FER: variants seen among roughly 807,000 people sequenced by gnomAD.
FER encodes tyrosine-protein kinase Fer.
In FER, 63 loss-of-function variants were observed where a neutral mutation model predicts 111.0. The ratio of observed to expected loss-of-function variants is 0.57; its 90% confidence interval spans 0.46 to 0.70. FER has a LOEUF of 0.70. FER is among the 30% of genes least tolerant of loss of function. The probability of loss-of-function intolerance (pLI) is 0.00; values close to 1 mark genes in which losing one functional copy is unlikely to be tolerated. For synonymous variants in FER, 327 were observed against 313.9 expected, an observed-to-expected ratio of 1.04 and a Z score of -0.44; for missense variants, 914 against 954.0, an observed-to-expected ratio of 0.96 and a Z score of 0.55.
At chr5:108,770,923 A>ATT (rs57266248) in intron 2 of FER, among the ~76,000 whole-genome samples, 2 of 150,980 alleles carry the variant, frequency 1.3e-5, no homozygotes, top group South Asian at 4.2e-4. Flanking sequence ...CCTACCTTTC[A>ATT]TTTTTTTCTC....
chr5:109,143,585 C>T (rs985572803), intron 17 of FER, among the ~76,000 whole-genome samples: 4 of 152,010 alleles, frequency 2.6e-5, no homozygotes, highest in African/African-American at 9.7e-5. Flanking sequence ...TAGTCTCCAC[C>T]CCACCTCCAT....
At chr5:108,845,956 C>T (rs1334912814) in intron 5 of FER, among the ~76,000 whole-genome samples, 2 of 152,174 alleles carry the variant, frequency 1.3e-5, no homozygotes, top group African/African-American at 4.8e-5. Context: ...TCTCGCTAGT[C>T]ATGACTAAGG....
At chr5:109,060,147 TG>T (rs1347020680) in intron 16 of FER, among the ~76,000 whole-genome samples, 1 of 152,168 alleles carries the variant, frequency 6.6e-6, no homozygotes, top group African/African-American at 2.4e-5. Flanking sequence ...TGTATTTTCC[TG>T]GGGCTGGGGT....
chr5:108,786,901 C>G (rs1754786307), intron 2 of FER, among the ~76,000 whole-genome samples: 1 of 152,098 alleles, frequency 6.6e-6, no homozygotes, highest in African/African-American at 2.4e-5. Flanking sequence ...TTACATCTTC[C>G]TCTAACTTTT....
chr5:109,130,867 C>T (rs896150395), intron 17 of FER, among the ~76,000 whole-genome samples: 16 of 152,014 alleles, frequency 1.1e-4, no homozygotes, highest in African/African-American at 3.9e-4. Context: ...TAATACAGTG[C>T]CTGGAATTTA....
chr5:109,104,883 C>T (rs780498429), intron 17 of FER, among the ~76,000 whole-genome samples: 34 of 151,984 alleles, frequency 2.2e-4, no homozygotes, highest in Non-Finnish European at 4.0e-4. Flanking sequence ...GCTGGGACTA[C>T]AGGTGCCCGC....
intron 15 of FER, among the ~76,000 whole-genome samples, chr5:109,046,455 G>A (rs999697741): frequency 1.3e-5 from 2 of 152,100 alleles, no homozygotes; most frequent in Non-Finnish European, 1.5e-5. Flanking sequence ...ATAATTTGAA[G>A]GGAGTTGTAC....
intron 13 of FER, among the ~76,000 whole-genome samples, chr5:108,978,654 G>GT (rs1166780235): frequency 1.3e-5 from 2 of 152,102 alleles, no homozygotes; most frequent in Admixed American, 6.6e-5. Flanking sequence ...TTGATCCATT[G>GT]TGGCACATAA....
chr5:108,808,926 T>C (rs948683465), intron 3 of FER, among the ~76,000 whole-genome samples: 10 of 152,226 alleles, frequency 6.6e-5, no homozygotes, highest in Non-Finnish European at 1.2e-4. Context: ...TAATCTTCCC[T>C]GGCTTAGAAG....
chr5:109,160,832 A>G (rs1011000697), intron 17 of FER, among the ~76,000 whole-genome samples: 2 of 152,166 alleles, frequency 1.3e-5, no homozygotes, highest in African/African-American at 2.4e-5. Flanking sequence ...GAATTTTTCT[A>G]TCTAAATTCT....
intron 5 of FER, among the ~76,000 whole-genome samples, chr5:108,852,131 G>A (rs975544686): frequency 2.0e-5 from 3 of 152,340 alleles, no homozygotes; most frequent in Admixed American, 1.3e-4. Flanking sequence ...AGCAGACAGA[G>A]TAAGAGGATT....
At chr5:108,906,458 T>A (rs1453692599) in intron 10 of FER, among the ~76,000 whole-genome samples, 1 of 152,186 alleles carries the variant, frequency 6.6e-6, no homozygotes, top group African/African-American at 2.4e-5. Flanking sequence ...AAACATTTTT[T>A]AAAAAACTGT....
intron 1 of FER, among the ~76,000 whole-genome samples, chr5:108,752,052 A>G: frequency 6.6e-6 from 1 of 152,064 alleles, no homozygotes; most frequent in Non-Finnish European, 1.5e-5. Flanking sequence ...CTATTTTTCC[A>G]AATTTCATTT....
intron 16 of FER, among the ~76,000 whole-genome samples, chr5:109,049,585 C>A (rs1772464062): frequency 6.6e-6 from 1 of 151,680 alleles, no homozygotes; most frequent in Non-Finnish European, 1.5e-5. Flanking sequence ...TTTTAAAATG[C>A]TAAATTAAAA....
chr5:109,051,872 C>A, intron 16 of FER: 2 of 1,560,040 alleles, frequency 1.3e-6, no homozygotes, highest in Non-Finnish European at 1.8e-6. Context: ...AGGAAGCAGT[C>A]CACCTGATGT....
chr5:109,104,304 A>G (rs564082265), intron 17 of FER, among the ~76,000 whole-genome samples: 79 of 152,310 alleles, frequency 5.2e-4, no homozygotes, highest in Non-Finnish European at 8.7e-4. Flanking sequence ...GCAGTTGACT[A>G]CTCTATGCCA....
chr5:108,795,452 G>A (rs1209255969), intron 2 of FER, among the ~76,000 whole-genome samples: 1 of 144,136 alleles, frequency 6.9e-6, no homozygotes, highest in Admixed American at 6.9e-5. Flanking sequence ...CTCCAACCTG[G>A]GAGACAGAGG....
At chr5:108,859,181 C>T (rs745686883) in intron 5 of FER, among the ~76,000 whole-genome samples, 11 of 152,278 alleles carry the variant, frequency 7.2e-5, no homozygotes, top group Non-Finnish European at 1.0e-4. Context: ...GTAGATGAGA[C>T]ATAGTATCTC....
At position 109,195,832 on chromosome 5, in the gene FER, A is replaced by T. The variant is rs966977501; in HGVS notation, c.*8257A>T. The T allele has an allele frequency of 6.6e-6, 1 of 152,212 alleles. No homozygotes were observed. The highest frequency in any genetic ancestry group is 1.5e-5 in the Non-Finnish European group (1 of 68,052). The allele number at this position is 152,212 out of a possible 1,614,324, so 9.4% of individuals were successfully genotyped here. A position where few individuals can be genotyped will look rare whatever the true frequency, so the allele number is the denominator to read the frequency against. ...TTAGTCAGACGTCTATAGATTTTAC[A>T]TAAATTTACATTTAAATGCATTAAG... is the stretch of plus-strand genomic sequence containing the variant. On this transcript the variant is annotated 3_prime_UTR_variant, in exon 20 of 20. Transcript: ENST00000281092.
Sources: gnomAD v4.1 joint callset for allele counts (sites outside exome capture counted in the v4.1 genomes callset) on GRCh38, gnomAD v4.1.1 for gene constraint, MANE v1.5 for transcripts, NCBI Gene and HGNC (gene_info 2026-07-23, HGNC 2026-07-21) for gene names.